The following SPDEF variants were observed in gnomAD, a reference collection of about 807,000 sequenced individuals.
The protein encoded by SPDEF is SAM pointed domain containing ETS transcription factor.
SPDEF carries 12 observed loss-of-function variants against 36.0 expected under a neutral mutation model. The observed-to-expected ratio is 0.33, with a 90% confidence interval of 0.21 to 0.54. The LOEUF (loss-of-function observed/expected upper bound fraction) is 0.54, where lower values mean the gene tolerates loss of function less well. Among genes scored for constraint, SPDEF ranks in the 20% least tolerant of loss-of-function variants. The pLI is 0.93. For synonymous variants in SPDEF, 205 were observed against 193.0 expected (o/e 1.06, Z -0.51); for missense variants, 388 against 456.9 (o/e 0.85, Z 1.37).
intron 1 of SPDEF, among the ~76,000 whole-genome samples, chr6:34,548,116 C>T (rs1582003806): frequency 6.6e-6 from 1 of 152,174 alleles, no homozygotes; most frequent in South Asian, 2.1e-4. Flanking sequence ...ACCAGTGCCA[C>T]GCCCAGGCTT....
At chr6:34,545,897 A>G (rs767681279) in intron 1 of SPDEF, among the ~76,000 whole-genome samples, 5 of 151,976 alleles carry the variant, frequency 3.3e-5, no homozygotes, top group African/African-American at 4.8e-5. Context: ...TGGGTGAAAG[A>G]GCAAAACTCC....
At chr6:34,543,945 G>A in intron 2 of SPDEF, 75 bp downstream of exon 2, 1 of 1,479,456 alleles carries the variant, frequency 6.8e-7, no homozygotes, top group Non-Finnish European at 9.2e-7. Context: ...ATCCAGCAGT[G>A]CCCCGACCCA....
At chr6:34,553,499 C>T (rs1768106404) in intron 1 of SPDEF, among the ~76,000 whole-genome samples, 1 of 152,168 alleles carries the variant, frequency 6.6e-6, no homozygotes, top group Non-Finnish European at 1.5e-5. Context: ...GGGGCTGGGG[C>T]CAGTGACTCA....
At chr6:34,546,951 G>C (rs1298503604) in intron 1 of SPDEF, among the ~76,000 whole-genome samples, 1 of 151,922 alleles carries the variant, frequency 6.6e-6, no homozygotes, top group African/African-American at 2.4e-5. Context: ...CACCCTGCCT[G>C]GTGCCCATGC....
rs563388093 is a variant in SPDEF at position 34,544,396 on chromosome 6, G to A, written c.60C>T (p.Pro20=). Residue 20 remains proline (P), a synonymous_variant, in exon 2 of 6, where the codon CCC becomes CCT. Transcript: ENST00000374037. The surrounding 1 kb of genome is among the most constrained non-coding windows in gnomAD (Gnocchi z 4.4). ...SVSPSHLLLP[P]DTVSRTGLEK... Reference sequence around the variant, plus strand: ...CCAAGCCTGTCCGCGACACCGTGTCGGGGGGCAGCAGGAGGTGGCTGGGGG... The same window carrying A: ...CCAAGCCTGTCCGCGACACCGTGTCAGGGGGCAGCAGGAGGTGGCTGGGGG... 35 of 1,590,370 alleles carry A rather than the reference G, an allele frequency of 2.2e-5. No homozygotes were observed. The highest frequency in any genetic ancestry group is 1.1e-4 in the East Asian group (5 of 44,400).
At chr6:34,551,083 G>T (rs1445433978) in intron 1 of SPDEF, among the ~76,000 whole-genome samples, 1 of 152,208 alleles carries the variant, frequency 6.6e-6, no homozygotes, top group South Asian at 2.1e-4. Context: ...CTGCTACGGG[G>T]CACCTGTCCA....
chr6:34,538,746 C>T lies in SPDEF; in HGVS notation c.830-294G>A, dbSNP rs1767748616. On this transcript the variant is annotated intron_variant, in intron 5 of 5. Transcript: ENST00000374037. The surrounding 1 kb of genome is among the most constrained non-coding windows in gnomAD (Gnocchi z 5.9). The stretch of plus-strand genomic sequence containing the variant: ...GAGCCTGTGTACCTTAGTGGGTTCC[C>T]TGGGGCCCTGCAGGCCTGGCCCTTG... Among the ~76,000 whole-genome samples, 1 of 152,220 alleles carries T rather than the reference C, an allele frequency of 6.6e-6. No homozygotes were observed. The highest frequency in any genetic ancestry group is 1.5e-5 in the Non-Finnish European group (1 of 68,024).
chr6:34,554,558 G>A (rs910876834), intron 1 of SPDEF, among the ~76,000 whole-genome samples: 1 of 152,024 alleles, frequency 6.6e-6, no homozygotes, highest in African/African-American at 2.4e-5. Flanking sequence ...GCGAGGGTGG[G>A]TCCCCTACGC....
intron 1 of SPDEF, among the ~76,000 whole-genome samples, chr6:34,545,926 A>G (rs996553622): frequency 5.3e-5 from 8 of 151,982 alleles, no homozygotes; most frequent in African/African-American, 1.9e-4. Flanking sequence ...AAAAAAAACA[A>G]AACACACGCA....
At chr6:34,553,379 G>A (rs968178675) in intron 1 of SPDEF, among the ~76,000 whole-genome samples, 4 of 151,886 alleles carry the variant, frequency 2.6e-5, no homozygotes, top group Non-Finnish European at 5.9e-5. Flanking sequence ...CCACCTGACA[G>A]GCCACTCGCT....
rs546873353 is a variant in SPDEF, at chr6:34,544,554, G to A, written c.-29-70C>T. ...CTGTGGGGGCCGCTAAGCTGGTTAT[G>A]GGGATGAGGGGCCCTGTGGACAGTG... On this transcript the variant is annotated intron_variant, in intron 1 of 5. Transcript: ENST00000374037. This position sits in a 1 kb window ranked among gnomAD's most constrained non-coding sequence, Gnocchi z 4.4. 3 of 1,261,440 alleles carry A rather than the reference G, an allele frequency of 2.4e-6. No individual in the cohort carries two copies. Among genetic ancestry groups the A allele is most frequent in the Non-Finnish European group, 3.2e-6 (3 of 943,064 alleles). 78.1% of individuals were successfully genotyped at this position (1,261,440 alleles called of 1,614,324 possible).
chr6:34,544,467 T>C lies in SPDEF; in HGVS notation c.-12A>G, dbSNP rs1403511170. 2 of 1,527,768 alleles carry C rather than the reference T, an allele frequency of 1.3e-6. No individual in the cohort carries two copies. Among genetic ancestry groups the C allele is most frequent in the Non-Finnish European group, 1.8e-6 (2 of 1,138,978 alleles). 94.6% of individuals were successfully genotyped at this position (1,527,768 alleles called of 1,614,324 possible). ...CTGGCGCTGCCCATGCCGCTGCTGT[T>C]TGGGCTGGCGGCTGTGTCTACGGAA... On this transcript the variant is annotated 5_prime_UTR_variant, in exon 2 of 6. Transcript: ENST00000374037. The surrounding 1 kb of genome is among the most constrained non-coding windows in gnomAD (Gnocchi z 4.4).
chr6:34,551,673 G>C (rs1010411425), intron 1 of SPDEF, among the ~76,000 whole-genome samples: 6 of 152,186 alleles, frequency 3.9e-5, no homozygotes, highest in Non-Finnish European at 5.9e-5. Context: ...AGGATGAGGG[G>C]TGTGGCTGTC....
chr6:34,540,620 CTTT>C (rs1310749100), intron 3 of SPDEF, among the ~76,000 whole-genome samples: 1 of 151,592 alleles, frequency 6.6e-6, no homozygotes, highest in African/African-American at 2.4e-5. Context: ...TTTATTACTT[CTTT>C]AATAAAAAAA....
rs1768148473 is a variant in SPDEF, at chr6:34,555,472, C to T, written c.-30+457G>A. 6.6e-6 allele frequency among the ~76,000 whole-genome samples: 1 copy of T among 152,164 alleles called. No individual in the cohort carries two copies. The highest frequency in any genetic ancestry group is 2.4e-5 in the African/African-American group (1 of 41,444). ...GACCCGGCCTTAGACTTAGCCCTGA[C>T]CCATCAAGCTCCAGCAAGCCCCTGC... On this transcript the variant is annotated intron_variant, in intron 1 of 5. Transcript: ENST00000374037. The surrounding 1 kb of genome is among the most constrained non-coding windows in gnomAD (Gnocchi z 5.2).
intron 1 of SPDEF, among the ~76,000 whole-genome samples, chr6:34,554,797 G>A (rs1252885114): frequency 6.6e-6 from 1 of 152,144 alleles, no homozygotes; most frequent in Non-Finnish European, 1.5e-5. Context: ...CACCAGCTTG[G>A]GCCTGGGGCA....
In SPDEF at chr6:34,538,581, T is replaced by C; in HGVS notation, c.830-129A>G. The C allele has an allele frequency of 1.1e-6, 1 of 906,898 alleles. No homozygotes were observed. Among genetic ancestry groups the C allele is most frequent in the Non-Finnish European group, 1.6e-6 (1 of 606,416 alleles). The allele number at this position is 906,898 out of a possible 1,614,324, so 56.2% of individuals were successfully genotyped here. A position where few individuals can be genotyped will look rare whatever the true frequency, so the allele number is the denominator to read the frequency against. ...GTGCAGAGGCCTCCCCCTGCTCGGG[T>C]GGGGCGGGGTGTGGGGGCCCAAATG... is the stretch of plus-strand genomic sequence containing the variant. On this transcript the variant is annotated intron_variant, in intron 5 of 5. Coordinates refer to ENST00000374037, the MANE Select transcript of SPDEF (RefSeq NM_012391.3). The surrounding 1 kb of genome is among the most constrained non-coding windows in gnomAD (Gnocchi z 5.9).
chr6:34,537,911 CA>C lies in SPDEF; in HGVS notation c.*362del. ...GCCAGGTGTGGTGCAGAATGGGAGGCAGGGGGATGGAGCAGAGAGAGGCCTG... is the reference window on the plus strand; with the variant it reads ...GCCAGGTGTGGTGCAGAATGGGAGGCGGGGGATGGAGCAGAGAGAGGCCTG... On this transcript the variant is annotated 3_prime_UTR_variant, in exon 6 of 6. Coordinates refer to ENST00000374037, the MANE Select transcript of SPDEF (RefSeq NM_012391.3). 1 of 210,426 alleles carries C rather than the reference CA, an allele frequency of 4.8e-6. No homozygotes were observed. Among genetic ancestry groups the C allele is most frequent in the African/African-American group, 2.3e-5 (1 of 44,284 alleles). The allele number at this position is 210,426 out of a possible 1,614,324, so 13.0% of individuals were successfully genotyped here.
In SPDEF at chr6:34,544,762, T is replaced by C. The variant is rs1468923624; in HGVS notation, c.-29-278A>G. On this transcript the variant is annotated intron_variant, in intron 1 of 5. Coordinates refer to ENST00000374037, the MANE Select transcript of SPDEF (RefSeq NM_012391.3). The surrounding 1 kb of genome is among the most constrained non-coding windows in gnomAD (Gnocchi z 4.4). ...TGGGAGCAGCAAAGCTCCACACATG[T>C]ACTGTGCTTAAAACAGCCTTCTGAG... Among the ~76,000 whole-genome samples, 1 of 152,190 alleles carries C rather than the reference T, an allele frequency of 6.6e-6. No individual in the cohort carries two copies. Among genetic ancestry groups the C allele is most frequent in the East Asian group, 1.9e-4 (1 of 5,192 alleles).
Sources: allele counts gnomAD v4.1 joint callset (sites outside exome capture counted in the v4.1 genomes callset), GRCh38; gene constraint gnomAD v4.1.1; non-coding constraint Gnocchi (gnomAD v3.1); transcripts MANE v1.5; gene names NCBI Gene and HGNC (gene_info 2026-07-23, HGNC 2026-07-21).